ADGRG7: variants seen among roughly 807,000 people sequenced by gnomAD.
ADGRG7 encodes adhesion G protein-coupled receptor G7.
ADGRG7 carries 82 observed loss-of-function variants against 88.6 expected under a neutral mutation model. That is an observed-to-expected ratio of 0.93 (90% confidence interval 0.77 to 1.11). The LOEUF (loss-of-function observed/expected upper bound fraction) is 1.11. Ranked by LOEUF, ADGRG7 falls within the 50% of genes most tolerant of loss-of-function variation. The pLI, the probability that ADGRG7 is intolerant of heterozygous loss-of-function variation, is 0.00. For synonymous variants in ADGRG7, 381 were observed against 345.2 expected (o/e 1.10, Z -1.15); for missense variants, 945 against 953.4 (o/e 0.99, Z 0.12).
chr3:100,671,739 G>T (rs1254279849), intron 15 of ADGRG7, among the ~76,000 whole-genome samples: 3 of 152,166 alleles, frequency 2.0e-5, no homozygotes, highest in Non-Finnish European at 4.4e-5. Flanking sequence ...TGTATAAGGT[G>T]TAAAGAAGGG....
chr3:100,671,332 T>C (rs1202603738), intron 15 of ADGRG7, among the ~76,000 whole-genome samples: 1 of 152,252 alleles, frequency 6.6e-6, no homozygotes, highest in African/African-American at 2.4e-5. Flanking sequence ...ATATGTTTGT[T>C]GGGTTCATAA....
intron 1 of ADGRG7, among the ~76,000 whole-genome samples, chr3:100,623,529 A>G (rs1707341244): frequency 6.6e-6 from 1 of 151,968 alleles, no homozygotes; most frequent in Non-Finnish European, 1.5e-5. Flanking sequence ...CTTTTTTCCA[A>G]TTTTTAAAAA....
In ADGRG7 at chr3:100,609,697, C is replaced by G; in HGVS notation, c.-160C>G. 3.6e-6 allele frequency: 2 copies of G among 556,778 alleles called. No individual in the cohort carries two copies. The highest frequency in any genetic ancestry group is 6.1e-5 in the Admixed American group (2 of 33,016). 34.5% of individuals were successfully genotyped at this position (556,778 alleles called of 1,614,324 possible). On this transcript the variant is annotated 5_prime_UTR_variant, in exon 1 of 16. Coordinates refer to ENST00000273352, the MANE Select transcript of ADGRG7 (RefSeq NM_032787.3). ...TTCAAACTGCATCCTACTGGATTAG[C>G]CTCAAAAGTCCTAAAATACAAAGAC...
chr3:100,690,653 G>A (rs1020411993), intron 15 of ADGRG7, among the ~76,000 whole-genome samples: 1 of 152,158 alleles, frequency 6.6e-6, no homozygotes, highest in Admixed American at 6.5e-5. Context: ...TGTTTGCCTG[G>A]GTATCAGCAG....
rs552799721 is a variant in ADGRG7 at position 100,670,569 on chromosome 3, TTTA to T, written c.2136+1471_2136+1473del. 2.2e-3 allele frequency among the ~76,000 whole-genome samples: 339 copies of T among 152,258 alleles called. 1 individual carries two copies. The highest frequency in any genetic ancestry group is 7.9e-3 in the African/African-American group (329 of 41,538). On this transcript the variant is annotated intron_variant, in intron 15 of 15. Transcript: ENST00000273352. ...ATGGTAGTTCTATTTTTAGCTTTTT[TTTA>T]TTATTAAACTTTAAGTTCTGGGGTA...
intron 6 of ADGRG7, among the ~76,000 whole-genome samples, chr3:100,641,954 T>C (rs1379820034): frequency 6.6e-6 from 1 of 152,230 alleles, no homozygotes; most frequent in African/African-American, 2.4e-5. Flanking sequence ...GCCAGGTGGA[T>C]GACCACTTTC....
intron 14 of ADGRG7, among the ~76,000 whole-genome samples, chr3:100,664,258 T>C (rs1051142547): frequency 2.0e-5 from 3 of 152,160 alleles, no homozygotes; most frequent in Admixed American, 6.5e-5. Flanking sequence ...TATTAACACA[T>C]TTAAAATAAC....
chr3:100,625,005 T>A (rs1322887505), intron 1 of ADGRG7, among the ~76,000 whole-genome samples: 1 of 152,174 alleles, frequency 6.6e-6, no homozygotes, highest in Non-Finnish European at 1.5e-5. Context: ...CTTAGGATTG[T>A]CTTGGCTATA....
At chr3:100,685,042 C>T (rs950270751) in intron 15 of ADGRG7, among the ~76,000 whole-genome samples, 1 of 151,726 alleles carries the variant, frequency 6.6e-6, no homozygotes, top group African/African-American at 2.4e-5. Flanking sequence ...TTATGCTTAA[C>T]TCTATATTTA....
intron 6 of ADGRG7, among the ~76,000 whole-genome samples, chr3:100,638,454 C>G (rs1039295689): frequency 2.0e-5 from 3 of 152,172 alleles, no homozygotes; most frequent in African/African-American, 7.2e-5. Flanking sequence ...AGCCACTTCT[C>G]TTCCCTACCA....
chr3:100,652,448 A>T (rs1023750492), intron 11 of ADGRG7, among the ~76,000 whole-genome samples: 1 of 152,198 alleles, frequency 6.6e-6, no homozygotes, highest in Non-Finnish European at 1.5e-5. Flanking sequence ...GTATTCCAAG[A>T]GGTCTTGCAG....
chr3:100,630,667 T>C, intron 2 of ADGRG7, 38 bp from the exon 3 acceptor site: 1 of 1,010,422 alleles, frequency 9.9e-7, no homozygotes, highest in Non-Finnish European at 1.3e-6. Context: ...TTTTTTAAAA[T>C]ACAATTTATA....
intron 15 of ADGRG7, among the ~76,000 whole-genome samples, chr3:100,678,101 T>A (rs1576337111): frequency 6.6e-6 from 1 of 151,552 alleles, no homozygotes; most frequent in African/African-American, 2.4e-5. Context: ...TGGGCATGCA[T>A]CATTAATTTT....
At chr3:100,663,387 G>A (rs115665490) in intron 14 of ADGRG7, among the ~76,000 whole-genome samples, 196 of 152,110 alleles carry the variant, frequency 1.3e-3, no homozygotes, top group African/African-American at 4.4e-3. Context: ...AGAATTATAT[G>A]CATGTTATTA....
At position 100,661,065 on chromosome 3, in the gene ADGRG7, C is replaced by T. The variant is rs144433840; in HGVS notation, c.1979+1222C>T. On this transcript the variant is annotated intron_variant, in intron 14 of 15. Coordinates refer to ENST00000273352, the MANE Select transcript of ADGRG7 (RefSeq NM_032787.3). ...GCTTTCTGATTTACCAGTTCCCATC[C>T]GTACTGCTTCTCTCCTTTCTATAAC... Among the ~76,000 whole-genome samples the T allele has an allele frequency of 1.2e-3, 189 of 152,266 alleles. 1 individual carries two copies. In the East Asian group the frequency reaches 0.031, roughly 25 times the overall value.
intron 8 of ADGRG7, among the ~76,000 whole-genome samples, chr3:100,644,083 G>T (rs1707695489): frequency 6.6e-6 from 1 of 151,906 alleles, no homozygotes; most frequent in Admixed American, 6.6e-5. Flanking sequence ...TCAATTTTAG[G>T]TTATCTCCTC....
At chr3:100,627,214 A>G (rs1414624449) in intron 1 of ADGRG7, among the ~76,000 whole-genome samples, 1 of 152,180 alleles carries the variant, frequency 6.6e-6, no homozygotes, top group Non-Finnish European at 1.5e-5. Context: ...TAGGTTCTTC[A>G]CAGGTGATTT....
At chr3:100,646,371 G>C (rs989619062) in intron 9 of ADGRG7, among the ~76,000 whole-genome samples, 198 bp from the exon 10 acceptor site, 2 of 152,104 alleles carry the variant, frequency 1.3e-5, no homozygotes, top group Non-Finnish European at 2.9e-5. Flanking sequence ...AACCATATCT[G>C]TTGTCAAACT....
At chr3:100,657,039 C>T (rs1367192562) in intron 13 of ADGRG7, among the ~76,000 whole-genome samples, 2 of 152,132 alleles carry the variant, frequency 1.3e-5, no homozygotes, top group East Asian at 3.9e-4. Flanking sequence ...TAGACTCACT[C>T]CTTTAAAAGT....
Sources: gnomAD v4.1 joint callset for allele counts (sites outside exome capture counted in the v4.1 genomes callset) on GRCh38, gnomAD v4.1.1 for gene constraint, MANE v1.5 for transcripts, NCBI Gene and HGNC (gene_info 2026-07-23, HGNC 2026-07-21) for gene names.